The following COL13A1 variants were observed in gnomAD, a reference collection of about 807,000 sequenced individuals.
COL13A1 encodes collagen alpha-1(XIII) chain.
In COL13A1, 89 loss-of-function variants were observed where a neutral mutation model predicts 130.9. The observed-to-expected ratio is 0.68, with a 90% CI of 0.57 to 0.81. COL13A1 has a LOEUF of 0.81. COL13A1 is among the 30% of genes least tolerant of loss of function. The probability of loss-of-function intolerance (pLI) is 0.00; values close to 1 mark genes in which losing one functional copy is unlikely to be tolerated. For synonymous variants in COL13A1, 402 were observed against 341.6 expected (o/e 1.18, Z -1.95); for missense variants, 879 against 934.6 (o/e 0.94, Z 0.78).
chr10:69,809,899 C>T (rs1842508662), intron 1 of COL13A1, among the ~76,000 whole-genome samples: 1 of 152,182 alleles, frequency 6.6e-6, no homozygotes, highest in Non-Finnish European at 1.5e-5. Context: ...TCTTGTCTCT[C>T]GGACTCTGAA....
intron 34 of COL13A1, among the ~76,000 whole-genome samples, chr10:69,940,786 G>A (rs2067516942): frequency 2.0e-5 from 3 of 152,200 alleles, no homozygotes; most frequent in South Asian, 2.1e-4. Context: ...ACTGCATTCA[G>A]TGTCTCCATG....
At chr10:69,828,580 T>C (rs752982968) in intron 2 of COL13A1, among the ~76,000 whole-genome samples, 1 of 152,248 alleles carries the variant, frequency 6.6e-6, no homozygotes, top group Non-Finnish European at 1.5e-5. Context: ...GAACTTACAG[T>C]GTCCCACTTG....
At chr10:69,957,712 A>C (rs894658264) in intron 40 of COL13A1, among the ~76,000 whole-genome samples, 1 of 152,176 alleles carries the variant, frequency 6.6e-6, no homozygotes. Context: ...AGGGCTGCCC[A>C]GGCAGACAGA....
intron 30 of COL13A1, chr10:69,931,096 C>G: frequency 2.2e-6 from 1 of 450,864 alleles, no homozygotes; most frequent in Non-Finnish European, 4.5e-6. Context: ...GTGCAGGCCA[C>G]AGTTGGTCAC....
intron 13 of COL13A1, among the ~76,000 whole-genome samples, chr10:69,898,477 G>C (rs1354276374): frequency 1.3e-5 from 2 of 152,250 alleles, no homozygotes; most frequent in African/African-American, 4.8e-5. Flanking sequence ...GGACGGCTGT[G>C]CCATCCAAGG....
chr10:69,942,074 A>G (rs543886551), intron 35 of COL13A1, among the ~76,000 whole-genome samples: 1 of 152,348 alleles, frequency 6.6e-6, no homozygotes. Flanking sequence ...ACTGAAGCAC[A>G]GGCTCACAGG....
At chr10:69,821,106 C>G (rs1227775) in intron 1 of COL13A1, among the ~76,000 whole-genome samples, 89,169 of 152,176 alleles carry the variant, frequency 0.59, 27,055 homozygotes, top group South Asian at 0.74. Flanking sequence ...GACTACAGTA[C>G]ATCAGGTGCA....
At chr10:69,848,958 G>T (rs10998999) in intron 2 of COL13A1, among the ~76,000 whole-genome samples, 12 of 152,142 alleles carry the variant, frequency 7.9e-5, no homozygotes, top group Admixed American at 4.6e-4. Flanking sequence ...ATTTCCTGCC[G>T]CTGCCTCTGT....
intron 39 of COL13A1, 191 bp from the exon 40 acceptor site, chr10:69,956,813 T>C (rs1048376473): frequency 2.5e-5 from 15 of 591,446 alleles, no homozygotes; most frequent in Non-Finnish European, 4.7e-5. Flanking sequence ...TAACCAATGG[T>C]AAAATAGCCG....
At chr10:69,910,866 C>G (rs1434131263) in intron 17 of COL13A1, among the ~76,000 whole-genome samples, 1 of 151,630 alleles carries the variant, frequency 6.6e-6, no homozygotes, top group Non-Finnish European at 1.5e-5. Context: ...GTCTGTCTGT[C>G]TCACTTTGGG....
At chr10:69,819,674 C>T (rs1845539307) in intron 1 of COL13A1, among the ~76,000 whole-genome samples, 1 of 152,166 alleles carries the variant, frequency 6.6e-6, no homozygotes, top group Admixed American at 6.5e-5. Context: ...CATCAGCAGC[C>T]AACACTCCCA....
Position 69,823,159 on chromosome 10 carries a change from G to A in COL13A1, c.364+721G>A, listed in dbSNP as rs1014576159. On this transcript the variant is annotated intron_variant, in intron 2 of 40. Coordinates refer to ENST00000645393, the MANE Select transcript of COL13A1 (RefSeq NM_001368882.1). ...GTCTATTCACCTGTGTAACAGCTGC[G>A]TACTAAGGACCTGCTGGGCACCATG... 8.5e-5 allele frequency among the ~76,000 whole-genome samples: 13 copies of A among 152,312 alleles called. 1 individual carries two copies. The highest frequency in any genetic ancestry group is 1.3e-4 in the Non-Finnish European group (9 of 68,030).
chr10:69,834,836 C>T (rs1188536446), intron 2 of COL13A1, among the ~76,000 whole-genome samples: 1 of 152,160 alleles, frequency 6.6e-6, no homozygotes, highest in Non-Finnish European at 1.5e-5. Context: ...GGCCCTGGAA[C>T]AGTTCGTCCA....
chr10:69,861,100 TC>T (rs1434225571), intron 2 of COL13A1, among the ~76,000 whole-genome samples: 1 of 151,698 alleles, frequency 6.6e-6, no homozygotes, highest in Non-Finnish European at 1.5e-5. Flanking sequence ...CATCTGAGCC[TC>T]CCCCGTCCCA....
At chr10:69,921,598 T>C (rs2064682184) in intron 21 of COL13A1, among the ~76,000 whole-genome samples, 1 of 152,208 alleles carries the variant, frequency 6.6e-6, no homozygotes, top group Non-Finnish European at 1.5e-5. Context: ...TTTGTTATGA[T>C]CTGTGGCCAG....
At chr10:69,922,239 TAA>T (rs141298556) in intron 22 of COL13A1, among the ~76,000 whole-genome samples, 3 of 145,688 alleles carry the variant, frequency 2.1e-5, no homozygotes, top group Admixed American at 6.8e-5. Context: ...ATTTAAAAAT[TAA>T]AAAAAAAAAG....
chr10:69,816,617 A>G (rs968924653), intron 1 of COL13A1, among the ~76,000 whole-genome samples: 1 of 152,092 alleles, frequency 6.6e-6, no homozygotes, highest in African/African-American at 2.4e-5. Context: ...CATCAAGTAG[A>G]TAAGAAGGAA....
chr10:69,894,092 T>A (rs1044687754), intron 10 of COL13A1, among the ~76,000 whole-genome samples: 2 of 152,208 alleles, frequency 1.3e-5, no homozygotes, highest in African/African-American at 4.8e-5. Context: ...TGCTGAAGGT[T>A]TCTCTAAGGC....
intron 1 of COL13A1, among the ~76,000 whole-genome samples, chr10:69,811,182 C>T (rs796447455): frequency 1.8e-4 from 27 of 152,356 alleles, no homozygotes; most frequent in African/African-American, 6.0e-4. Flanking sequence ...GCATTTCCCT[C>T]TGCCCACACG....
Sources: allele counts gnomAD v4.1 joint callset (sites outside exome capture counted in the v4.1 genomes callset), GRCh38; gene constraint gnomAD v4.1.1; transcripts MANE v1.5; gene names NCBI Gene and HGNC (gene_info 2026-07-23, HGNC 2026-07-21).